The following FIG4 variants were observed in gnomAD, a reference collection of about 807,000 sequenced individuals.
FIG4 encodes FIG4 phosphoinositide 5-phosphatase, also known as polyphosphoinositide phosphatase.
A neutral mutation model predicts 118.6 loss-of-function variants in FIG4; 112 were observed. That is an observed-to-expected ratio of 0.94 (90% CI 0.81 to 1.11). The LOEUF is 1.11. Among genes scored for constraint, FIG4 ranks in the 50% least tolerant of loss-of-function variants. The pLI is 0.00. For synonymous variants in FIG4, 369 were observed against 381.2 expected (o/e 0.97, Z 0.37); for missense variants, 969 against 1,111.7 (o/e 0.87, Z 1.83).
intron 15 of FIG4, among the ~76,000 whole-genome samples, chr6:109,774,823 TA>T (rs1193887281): frequency 6.6e-6 from 1 of 152,182 alleles, no homozygotes; most frequent in Non-Finnish European, 1.5e-5. Flanking sequence ...TGATGTGAGG[TA>T]GGGGTCTAAC....
intron 16 of FIG4, among the ~76,000 whole-genome samples, chr6:109,783,342 T>C (rs1777859579): frequency 1.3e-5 from 2 of 152,216 alleles, no homozygotes; most frequent in African/African-American, 4.8e-5. Flanking sequence ...TTGGCCCATT[T>C]CCAGTATCAG....
In FIG4 at chr6:109,743,183, G is replaced by A; in HGVS notation, c.950G>A (p.Ser317Asn). The A allele has an allele frequency of 6.2e-7, 1 of 1,613,014 alleles. No homozygotes were observed. The highest frequency in any genetic ancestry group is 8.5e-7 in the Non-Finnish European group (1 of 1,179,244). ...DASVMSFTAG[S>N]YSSYVQVRGS... is the part of the protein sequence containing the mutation. Reference sequence around the variant, plus strand: ...TCTGTGATGTCTTTCACTGCAGGAAGTTATTCTTCATATGTACAAGTTAGA... The same window carrying A: ...TCTGTGATGTCTTTCACTGCAGGAAATTATTCTTCATATGTACAAGTTAGA... The change falls in exon 9 of 23, where the codon AGT becomes AAT. Residue 317 changes from serine (S) to asparagine (N), a missense_variant. Physicochemically the swap from Ser to Asn is conservative, Grantham distance 46 (BLOSUM62 1). This residue lies in a region of FIG4 where 393 missense variants were observed against 409.4 expected (regional missense o/e 0.96). Coordinates refer to ENST00000230124, the MANE Select transcript of FIG4 (RefSeq NM_014845.6).
At chr6:109,757,608 G>A (rs528514723) in intron 10 of FIG4, among the ~76,000 whole-genome samples, 78 of 152,272 alleles carry the variant, frequency 5.1e-4, no homozygotes, top group African/African-American at 1.5e-3. Flanking sequence ...GGAAGTTCTG[G>A]CCAGAACAAT....
At chr6:109,731,705 A>G (rs1776006629) in intron 4 of FIG4, among the ~76,000 whole-genome samples, 1 of 152,172 alleles carries the variant, frequency 6.6e-6, no homozygotes, top group African/African-American at 2.4e-5. Flanking sequence ...GAAGATGTGT[A>G]TTGTGCATTA....
At chr6:109,818,112 C>G (rs1414621029) in intron 22 of FIG4, among the ~76,000 whole-genome samples, 3 of 152,232 alleles carry the variant, frequency 2.0e-5, no homozygotes, top group Non-Finnish European at 4.4e-5. Flanking sequence ...AGTTGTCCCC[C>G]TTTATCCACA....
chr6:109,791,009 T>A (rs4591888), intron 19 of FIG4, among the ~76,000 whole-genome samples: 8,036 of 152,180 alleles, frequency 0.053, 388 homozygotes, highest in East Asian at 0.19. Context: ...CTTTTATGAG[T>A]TACAGCTAAT....
chr6:109,771,792 A>C (rs1777472655), intron 15 of FIG4, among the ~76,000 whole-genome samples: 1 of 152,018 alleles, frequency 6.6e-6, no homozygotes, highest in Non-Finnish European at 1.5e-5. Flanking sequence ...TCTTAAGTGA[A>C]ACCTTGCCTT....
At chr6:109,714,045 C>T (rs115608471) in intron 1 of FIG4, among the ~76,000 whole-genome samples, 6 of 152,156 alleles carry the variant, frequency 3.9e-5, no homozygotes, top group Admixed American at 1.3e-4. Context: ...TGCTCCACTA[C>T]AAACGCTCCC....
intron 22 of FIG4, among the ~76,000 whole-genome samples, chr6:109,819,944 A>G (rs1388925605): frequency 2.0e-5 from 3 of 152,212 alleles, no homozygotes; most frequent in Non-Finnish European, 4.4e-5. Flanking sequence ...CCATATGCCA[A>G]GGAAAAAGAG....
intron 1 of FIG4, among the ~76,000 whole-genome samples, chr6:109,714,826 CT>C (rs1775377581): frequency 6.6e-6 from 1 of 152,210 alleles, no homozygotes. Flanking sequence ...TTAAATTCAT[CT>C]GACCTGGTTA....
At chr6:109,762,314 G>A (rs140695679) in intron 12 of FIG4, 107 bp downstream of exon 12, 10 of 740,396 alleles carry the variant, frequency 1.4e-5, no homozygotes, top group East Asian at 1.3e-4. Context: ...TTTAGTCCTG[G>A]GGGGAGGCAC....
chr6:109,721,797 A>G (rs1775619063), intron 3 of FIG4, among the ~76,000 whole-genome samples: 1 of 152,144 alleles, frequency 6.6e-6, no homozygotes, highest in Non-Finnish European at 1.5e-5. Flanking sequence ...TTTATAATAT[A>G]CTGAAGCCAT....
intron 10 of FIG4, among the ~76,000 whole-genome samples, chr6:109,752,338 C>A (rs1379545808): frequency 6.6e-6 from 1 of 151,024 alleles, no homozygotes; most frequent in Non-Finnish European, 1.5e-5. Flanking sequence ...ATTTGTAGTC[C>A]TTTGGGTATA....
intron 22 of FIG4, among the ~76,000 whole-genome samples, chr6:109,811,524 T>C (rs377535872): frequency 1.1e-4 from 17 of 152,314 alleles, no homozygotes; most frequent in East Asian, 9.6e-4. Flanking sequence ...ACGTAGGTGA[T>C]TCATTTATTC....
intron 1 of FIG4, among the ~76,000 whole-genome samples, chr6:109,693,487 C>T (rs1198804407): frequency 6.6e-6 from 1 of 152,126 alleles, no homozygotes; most frequent in Non-Finnish European, 1.5e-5. Flanking sequence ...AGCTGTGACC[C>T]CTCTCAACTG....
intron 7 of FIG4, among the ~76,000 whole-genome samples, chr6:109,739,666 C>T (rs7770646): frequency 0.038 from 5,759 of 152,174 alleles, 287 homozygotes; most frequent in African/African-American, 0.11. Flanking sequence ...CTTTGTCCAG[C>T]GCACTGTGAG....
intron 16 of FIG4, among the ~76,000 whole-genome samples, chr6:109,784,461 G>T (rs770105546): frequency 6.6e-6 from 1 of 152,166 alleles, no homozygotes; most frequent in South Asian, 2.1e-4. Context: ...TGTCTAATTC[G>T]TTCCTTAATG....
At chr6:109,754,944 T>C (rs1776836487) in intron 10 of FIG4, among the ~76,000 whole-genome samples, 1 of 152,236 alleles carries the variant, frequency 6.6e-6, no homozygotes, top group African/African-American at 2.4e-5. Flanking sequence ...CCTTCAGTTC[T>C]GCTCTGATTT....
At chr6:109,800,388 T>TA (rs1368433255) in intron 22 of FIG4, among the ~76,000 whole-genome samples, 3 of 152,194 alleles carry the variant, frequency 2.0e-5, no homozygotes, top group Non-Finnish European at 4.4e-5. Context: ...AAGGAGAACA[T>TA]ACCTTTATTC....
Sources: allele counts gnomAD v4.1 joint callset (sites outside exome capture counted in the v4.1 genomes callset), GRCh38; gene constraint gnomAD v4.1.1; regional missense constraint gnomAD v4.1.1; transcripts MANE v1.5; gene names NCBI Gene and HGNC (gene_info 2026-07-23, HGNC 2026-07-21).